Variants in DNAAF1 observed in about 807,000 individuals in gnomAD.
DNAAF1 encodes the protein dynein assembly factor 1, axonemal.
In DNAAF1, 65 loss-of-function variants were observed where a neutral mutation model predicts 71.1. That is an observed-to-expected ratio of 0.91 (90% CI 0.75 to 1.12). DNAAF1 has a LOEUF of 1.12. Ranked by LOEUF, DNAAF1 falls within the 50% of genes most tolerant of loss-of-function variation. The pLI is 0.00. For synonymous variants in DNAAF1, 414 were observed against 354.6 expected (o/e 1.17, Z -1.88); for missense variants, 1,178 against 899.8 (o/e 1.31, Z -3.96).
rs1294070461 is a variant in DNAAF1, at chr16:84,170,152, C to T, written c.1324C>T (p.Leu442Phe). 1 of 1,585,684 alleles carries T rather than the reference C, an allele frequency of 6.3e-7. No individual in the cohort carries two copies. Among genetic ancestry groups the T allele is most frequent in the Non-Finnish European group, 8.6e-7 (1 of 1,162,438 alleles). The stretch of plus-strand genomic sequence containing the variant: ...CGGAGATGGAGAGCCAGAGGGGACC[C>T]TCCCAGCTGAGGCCCCACCACCCCC... ...EDGDGEPEGTLPAEAPPPPPP... is the reference protein window; with the variant it reads ...EDGDGEPEGTFPAEAPPPPPP... Residue 442 changes from leucine to phenylalanine, a missense_variant, in exon 8 of 12, where the codon CTC becomes TTC. By Grantham distance (22) the Leu-to-Phe change is conservative. Transcript: ENST00000378553.
chr16:84,177,000 A>C (rs1348268949), intron 11 of DNAAF1: 1 of 165,394 alleles, frequency 6.0e-6, no homozygotes, highest in African/African-American at 2.4e-5. Flanking sequence ...TTCATTCAGC[A>C]TCTGCCTTCA....
At position 84,176,242 on chromosome 16, in the gene DNAAF1, G is replaced by A; in HGVS notation, c.2008G>A (p.Ala670Thr). 4 of 1,613,744 alleles carry A rather than the reference G, an allele frequency of 2.5e-6. No individual in the cohort carries two copies. The highest frequency in any genetic ancestry group is 3.4e-6 in the Non-Finnish European group (4 of 1,180,036). The change falls in exon 11 of 12, where the codon GCA becomes ACA. Residue 670 changes from alanine to threonine, a missense_variant. Ala to Thr is a moderately conservative substitution (Grantham distance 58). Coordinates refer to ENST00000378553, the MANE Select transcript of DNAAF1 (RefSeq NM_178452.6). Reference sequence around the variant, plus strand: ...GCCCCCCACCTGCCAAAGAGATGCTGCACCACTCACTTCCAGTGGAGACAG... The same window carrying A: ...GCCCCCCACCTGCCAAAGAGATGCTACACCACTCACTTCCAGTGGAGACAG... Reference protein sequence around the residue: ...LMPPTCQRDAAPLTSSGDRDS... With the variant: ...LMPPTCQRDATPLTSSGDRDS...
intron 6 of DNAAF1, among the ~76,000 whole-genome samples, chr16:84,165,451 C>G (rs1206055481): frequency 6.6e-6 from 1 of 152,036 alleles, no homozygotes; most frequent in Non-Finnish European, 1.5e-5. Context: ...CTCCAAAGTG[C>G]TAGGATTACA....
At chr16:84,173,645 C>T (rs1041548221) in intron 9 of DNAAF1, 4 of 415,844 alleles carry the variant, frequency 9.6e-6, no homozygotes, top group Non-Finnish European at 6.5e-6. Flanking sequence ...ACCAGCCTGG[C>T]CAACATGGTG....
At chr16:84,152,170 A>C (rs1422117475) in intron 3 of DNAAF1, among the ~76,000 whole-genome samples, 1 of 152,180 alleles carries the variant, frequency 6.6e-6, no homozygotes, top group Non-Finnish European at 1.5e-5. Flanking sequence ...TGATGGTGGG[A>C]TCCAGGGGAG....
At chr16:84,148,596 C>CTCTCTCTCTCTTTTTTTT in intron 1 of DNAAF1, among the ~76,000 whole-genome samples, 5 of 43,574 alleles carry the variant, frequency 1.1e-4, no homozygotes, top group African/African-American at 4.6e-4. Flanking sequence ...CTCTCTCTCT[C>CTCTCTCTCTCTTTTTTTT]TTTTTTTTTT....
chr16:84,175,948 A>G lies in DNAAF1; in HGVS notation c.1714A>G (p.Lys572Glu). 1 of 1,614,160 alleles carries G rather than the reference A, an allele frequency of 6.2e-7. No homozygotes were observed. The highest frequency in any genetic ancestry group is 1.3e-5 in the African/African-American group (1 of 75,044). The change falls in exon 11 of 12, where the codon AAG (lysine) becomes GAG (glutamate). Residue 572 changes from lysine to glutamate, a missense_variant. Transcript: ENST00000378553. ...CTGTAAATAGAATATGTGCTTTCCGAAGATTGAGGTCATCTCGAGCTTGAG... is the reference window on the plus strand; with the variant it reads ...CTGTAAATAGAATATGTGCTTTCCGGAGATTGAGGTCATCTCGAGCTTGAG... ...SLEDQNMCFP[K>E]IEVISSLSDD... is the part of the protein sequence containing the mutation.
chr16:84,148,896 G>C lies in DNAAF1; in HGVS notation c.125-111G>C, dbSNP rs2087051809. 6 of 1,276,098 alleles carry C rather than the reference G, an allele frequency of 4.7e-6. 1 individual carries two copies. The Admixed American group carries it at 8.9e-5, about 19-fold the overall frequency. 79.0% of individuals were successfully genotyped at this position (1,276,098 alleles called of 1,614,324 possible). A position where few individuals can be genotyped will look rare whatever the true frequency, so the allele number is the denominator to read the frequency against. On this transcript the variant is annotated intron_variant, in intron 1 of 11. Coordinates refer to ENST00000378553, the MANE Select transcript of DNAAF1 (RefSeq NM_178452.6). ...TGAGCCACCATACCCAGCCACTAAA[G>C]AATACTGGTGTTCTATACTAAAAGT... is the stretch of plus-strand genomic sequence containing the variant.
intron 9 of DNAAF1, chr16:84,172,719 T>C (rs2088430169): frequency 1.7e-6 from 2 of 1,178,748 alleles, no homozygotes; most frequent in South Asian, 1.8e-5. Flanking sequence ...CTAGTTGCCT[T>C]ATCCAAATTC....
rs75217228 is a variant in DNAAF1, at chr16:84,159,322, T to G, written c.742-353T>G. 0.011 allele frequency: 10,642 copies of G among 936,002 alleles called. 859 individuals are homozygous for G. In the African/African-American group the frequency reaches 0.17, roughly 15 times the overall value. The allele number at this position is 936,002 out of a possible 1,614,324, so 58.0% of individuals were successfully genotyped here. On this transcript the variant is annotated intron_variant, in intron 5 of 11. Coordinates refer to ENST00000378553, the MANE Select transcript of DNAAF1 (RefSeq NM_178452.6). ...GCTGGGAAGAAAAGAAAACAATCAATTAGGCAGAGATTCATTTCAGTAAAA... is the reference window on the plus strand; with the variant it reads ...GCTGGGAAGAAAAGAAAACAATCAAGTAGGCAGAGATTCATTTCAGTAAAA...
At chr16:84,152,242 A>G (rs1330453007) in intron 3 of DNAAF1, among the ~76,000 whole-genome samples, 1 of 152,226 alleles carries the variant, frequency 6.6e-6, no homozygotes, top group South Asian at 2.1e-4. Flanking sequence ...GAGCTAGAGC[A>G]AAGACCAGGG....
chr16:84,168,855 C>CACACACACACA (rs1164525472), intron 7 of DNAAF1, among the ~76,000 whole-genome samples: 4 of 151,716 alleles, frequency 2.6e-5, no homozygotes, highest in South Asian at 2.1e-4. Flanking sequence ...CACACACACA[C>CACACACACACA]ACTTTGCTTT....
At chr16:84,149,174 T>A (rs749403706) in intron 2 of DNAAF1, 32 bp downstream of exon 2, 2 of 1,613,054 alleles carry the variant, frequency 1.2e-6, no homozygotes, top group African/African-American at 1.3e-5. Context: ...TAGTGCACAT[T>A]TATGGAGTAA....
chr16:84,159,127 C>T, intron 5 of DNAAF1: 1 of 992,550 alleles, frequency 1.0e-6, no homozygotes, highest in Non-Finnish European at 1.2e-6. Context: ...TGCCGAGCCC[C>T]TTCCTCCTCC....
chr16:84,157,671 C>T (rs528594853), intron 5 of DNAAF1, among the ~76,000 whole-genome samples: 8 of 152,168 alleles, frequency 5.3e-5, no homozygotes, highest in Non-Finnish European at 1.2e-4. Context: ...CTAAAACTAG[C>T]ACACAAAAAC....
chr16:84,169,778 CTG>C (rs2088226114), intron 7 of DNAAF1, 79 bp from the exon 8 acceptor site: 1 of 1,583,526 alleles, frequency 6.3e-7, no homozygotes, highest in African/African-American at 1.3e-5. Flanking sequence ...CAGAAGTTTG[CTG>C]TGAGCCCTTG....
intron 1 of DNAAF1, 100 bp downstream of exon 1, chr16:84,145,664 TAATAAC>T (rs2086864671): frequency 3.7e-6 from 5 of 1,351,936 alleles, no homozygotes; most frequent in African/African-American, 1.5e-5. Flanking sequence ...CACAGCCAAA[TAATAAC>T]AATAATAATA....
chr16:84,164,246 A>C (rs1280943878), intron 6 of DNAAF1, among the ~76,000 whole-genome samples: 1 of 152,222 alleles, frequency 6.6e-6, no homozygotes, highest in Non-Finnish European at 1.5e-5. Flanking sequence ...ACAAGCGATC[A>C]AGCAATGCTG....
At chr16:84,164,925 C>A (rs1005102256) in intron 6 of DNAAF1, among the ~76,000 whole-genome samples, 3 of 152,166 alleles carry the variant, frequency 2.0e-5, no homozygotes, top group Non-Finnish European at 4.4e-5. Flanking sequence ...CTCATTAGCG[C>A]AGCGTTGCCG....
Sources: allele counts gnomAD v4.1 joint callset (sites outside exome capture counted in the v4.1 genomes callset), GRCh38; gene constraint gnomAD v4.1.1; transcripts MANE v1.5; gene names NCBI Gene and HGNC (gene_info 2026-07-23, HGNC 2026-07-21).